The following TECRL variants were observed in gnomAD, a reference collection of about 807,000 sequenced individuals.
TECRL encodes the protein trans-2,3-enoyl-CoA reductase like.
A neutral mutation model predicts 52.8 loss-of-function variants in TECRL; 63 were observed. The observed-to-expected ratio is 1.19, with a 90% CI of 0.97 to 1.47. The LOEUF is 1.47. Among genes scored for constraint, TECRL ranks in the 40% most tolerant of loss-of-function variants. The pLI is 0.00. For synonymous variants in TECRL, 164 were observed against 141.9 expected (o/e 1.16, Z -1.10); for missense variants, 482 against 429.6 (o/e 1.12, Z -1.08).
chr4:64,280,290 G>T, intron 11 of TECRL, 91 bp from the exon 12 acceptor site: 1 of 1,044,358 alleles, frequency 9.6e-7, no homozygotes, highest in Non-Finnish European at 1.3e-6. Context: ...TAGCTTTTAA[G>T]ATGTTTCTCA....
At chr4:64,389,751 T>A (rs1213682814) in intron 1 of TECRL, among the ~76,000 whole-genome samples, 1 of 151,902 alleles carries the variant, frequency 6.6e-6, no homozygotes, top group African/African-American at 2.4e-5. Flanking sequence ...GATAGATTAT[T>A]AATTATTGAT....
chr4:64,352,981 G>A (rs1027373009), intron 2 of TECRL, among the ~76,000 whole-genome samples: 3 of 152,142 alleles, frequency 2.0e-5, no homozygotes, highest in Non-Finnish European at 4.4e-5. Context: ...AGCCTCCTGA[G>A]TAGCTTGGAT....
intron 4 of TECRL, among the ~76,000 whole-genome samples, chr4:64,321,912 C>T (rs527422394): frequency 6.6e-6 from 1 of 152,224 alleles, no homozygotes; most frequent in East Asian, 1.9e-4. Context: ...CTCTTCTCTC[C>T]AGTGTCAAAA....
intron 2 of TECRL, among the ~76,000 whole-genome samples, chr4:64,343,040 A>C (rs376888697): frequency 6.6e-6 from 1 of 152,088 alleles, no homozygotes; most frequent in African/African-American, 2.4e-5. Context: ...AGTTAAAATT[A>C]TGTTTCTAAT....
chr4:64,284,977 AG>A (rs1413381870), intron 9 of TECRL, among the ~76,000 whole-genome samples: 2 of 152,090 alleles, frequency 1.3e-5, no homozygotes, highest in Non-Finnish European at 2.9e-5. Flanking sequence ...CTTTACTAAA[AG>A]GACTTCATTG....
chr4:64,351,395 C>T (rs939432334), intron 2 of TECRL, among the ~76,000 whole-genome samples: 3 of 151,880 alleles, frequency 2.0e-5, no homozygotes, highest in African/African-American at 7.3e-5. Flanking sequence ...CCTGTCTCAG[C>T]CTCTGAAGTA....
Position 64,281,480 on chromosome 4 carries a change from G to A in TECRL, c.912C>T (p.Thr304=). ...ACATACATAAATAACATACCTCATAGGTGTAGTTAGGACATGAAACCAGGA... is the reference window on the plus strand; with the variant it reads ...ACATACATAAATAACATACCTCATAAGTGTAGTTAGGACATGAAACCAGGA... ...MFFLVSCPNY[T]YEIGSWISFT... The change falls in exon 10 of 12, where the codon ACC becomes ACT. Residue 304 remains threonine, a synonymous_variant. Coordinates refer to ENST00000381210, the MANE Select transcript of TECRL (RefSeq NM_001010874.5). 1 of 1,584,338 alleles carries A rather than the reference G, an allele frequency of 6.3e-7. No individual in the cohort carries two copies. The highest frequency in any genetic ancestry group is 1.1e-5 in the South Asian group (1 of 89,492).
At chr4:64,382,735 C>T (rs1722903630) in intron 1 of TECRL, among the ~76,000 whole-genome samples, 1 of 151,908 alleles carries the variant, frequency 6.6e-6, no homozygotes, top group South Asian at 2.1e-4. Flanking sequence ...ACAACTTATT[C>T]CTGTGATTTT....
rs1223982396 is a variant in TECRL, at chr4:64,332,767, A to AAG, written c.287-4213_287-4212dup. Among the ~76,000 whole-genome samples, 28 of 152,258 alleles carry AAG rather than the reference A, an allele frequency of 1.8e-4. 1 individual carries two copies. The highest frequency in any genetic ancestry group is 1.6e-3 in the Admixed American group (25 of 15,296). ...GGTAGAGAGAAAAATAGTGAACTGGAAGTTGGAAGAAAATATCCCAACTAA... is the reference window on the plus strand; with the variant it reads ...GGTAGAGAGAAAAATAGTGAACTGGAAGAGTTGGAAGAAAATATCCCAACTAA... On this transcript the variant is annotated intron_variant, in intron 2 of 11. Transcript: ENST00000381210.
rs6846282 is a variant in TECRL, at chr4:64,279,184, C to A, written c.*888G>T. The A allele has an allele frequency of 6.6e-6, 1 of 151,996 alleles. No individual in the cohort carries two copies. The highest frequency in any genetic ancestry group is 2.4e-5 in the African/African-American group (1 of 41,380). The allele number at this position is 151,996 out of a possible 1,614,324, so 9.4% of individuals were successfully genotyped here. On this transcript the variant is annotated 3_prime_UTR_variant, in exon 12 of 12. Coordinates refer to ENST00000381210, the MANE Select transcript of TECRL (RefSeq NM_001010874.5). ...AAAGTCCATGTTGTTCTCCACATGGCTGCTCTAGTTTACATTCCCACCAGC... is the reference window on the plus strand; with the variant it reads ...AAAGTCCATGTTGTTCTCCACATGGATGCTCTAGTTTACATTCCCACCAGC...
At chr4:64,304,059 TAGTC>T (rs139307229) in intron 7 of TECRL, among the ~76,000 whole-genome samples, 4,477 of 151,936 alleles carry the variant, frequency 0.029, 99 homozygotes, top group African/African-American at 0.064. Flanking sequence ...TATTAACAAA[TAGTC>T]AGTTTTCAAT....
chr4:64,315,834 G>T (rs1257639313), intron 4 of TECRL, among the ~76,000 whole-genome samples: 1 of 151,894 alleles, frequency 6.6e-6, no homozygotes, highest in South Asian at 2.1e-4. Context: ...ACATATGGAG[G>T]TTTCTTCAGT....
chr4:64,325,902 C>T (rs893552627), intron 3 of TECRL, among the ~76,000 whole-genome samples: 4 of 152,012 alleles, frequency 2.6e-5, no homozygotes, highest in African/African-American at 4.8e-5. Context: ...ATAATCATAG[C>T]GTTCAGACTC....
chr4:64,368,155 T>C (rs564964173), intron 2 of TECRL, among the ~76,000 whole-genome samples: 1 of 152,194 alleles, frequency 6.6e-6, no homozygotes, highest in Middle Eastern at 3.2e-3. Context: ...TTTCATAAAA[T>C]GTAACCATGT....
chr4:64,390,235 G>A (rs1723457304), intron 1 of TECRL, among the ~76,000 whole-genome samples: 1 of 151,856 alleles, frequency 6.6e-6, no homozygotes. Flanking sequence ...CATGAATTTT[G>A]GAGTAAGTAT....
chr4:64,312,245 AAAC>A (rs1345234162), intron 5 of TECRL, among the ~76,000 whole-genome samples: 1 of 152,176 alleles, frequency 6.6e-6, no homozygotes, highest in African/African-American at 2.4e-5. Flanking sequence ...ATTCATCTTA[AAAC>A]AACATCATCC....
At chr4:64,314,958 T>G (rs577498018) in intron 4 of TECRL, among the ~76,000 whole-genome samples, 195 bp from the exon 5 acceptor site, 6 of 152,270 alleles carry the variant, frequency 3.9e-5, no homozygotes, top group South Asian at 2.1e-4. Context: ...ATAGTTAATT[T>G]GGAATAAAAA....
Position 64,328,572 on chromosome 4 carries a change from T to TAACA in TECRL, c.287-20_287-17dup. 6.2e-7 allele frequency: 1 copy of TAACA among 1,606,680 alleles called. No individual in the cohort carries two copies. The highest frequency in any genetic ancestry group is 8.5e-7 in the Non-Finnish European group (1 of 1,175,486). On this transcript the variant is annotated splice_polypyrimidine_tract_variant and intron_variant, in intron 2 of 11. Coordinates refer to ENST00000381210, the MANE Select transcript of TECRL (RefSeq NM_001010874.5). ...CACTTTGGACCTATTCAATGAAAAA[T>TAACA]AACATTTAATTGTCAGAAAAAGTGT...
At chr4:64,282,731 T>C (rs995049274) in intron 9 of TECRL, among the ~76,000 whole-genome samples, 3 of 151,956 alleles carry the variant, frequency 2.0e-5, no homozygotes, top group Non-Finnish European at 4.4e-5. Context: ...CCAGACCTAG[T>C]TTGTCGATTA....
Sources: gnomAD v4.1 joint callset for allele counts (sites outside exome capture counted in the v4.1 genomes callset) on GRCh38, gnomAD v4.1.1 for gene constraint, MANE v1.5 for transcripts, NCBI Gene and HGNC (gene_info 2026-07-23, HGNC 2026-07-21) for gene names.